FMN1: variants seen among roughly 807,000 people sequenced by gnomAD.
FMN1 encodes formin 1, also known as formin-1.
FMN1 carries 110 observed loss-of-function variants against 132.4 expected under a neutral mutation model. The ratio of observed to expected loss-of-function variants is 0.83; its 90% CI spans 0.71 to 0.97. FMN1 has a LOEUF of 0.97. FMN1 is among the 50% of genes least tolerant of loss of function. The pLI, the probability that FMN1 is intolerant of heterozygous loss-of-function variation, is 0.00. For synonymous variants in FMN1, 722 were observed against 651.7 expected (o/e 1.11, Z -1.64); for missense variants, 1,792 against 1,705.3 (o/e 1.05, Z -0.90).
chr15:33,009,458 C>T (rs985265135), intron 6 of FMN1, among the ~76,000 whole-genome samples: 2 of 152,134 alleles, frequency 1.3e-5, no homozygotes, highest in African/African-American at 4.8e-5. Flanking sequence ...CATATCTCTC[C>T]CTATCATTTC....
intron 6 of FMN1, among the ~76,000 whole-genome samples, chr15:33,061,298 T>A (rs2037470320): frequency 6.6e-6 from 1 of 152,062 alleles, no homozygotes; most frequent in African/African-American, 2.4e-5. Context: ...CATGCTCGAG[T>A]CACTAGAGGC....
At chr15:33,092,839 T>C (rs1210447786) in intron 4 of FMN1, among the ~76,000 whole-genome samples, 3 of 152,240 alleles carry the variant, frequency 2.0e-5, no homozygotes, top group Admixed American at 6.5e-5. Context: ...AACAGTGTTT[T>C]TGTTTTGTAA....
intron 4 of FMN1, among the ~76,000 whole-genome samples, chr15:33,089,251 A>G (rs537788993): frequency 6.6e-6 from 1 of 152,290 alleles, no homozygotes; most frequent in East Asian, 1.9e-4. Context: ...GGGTCATTCT[A>G]TCTCAGCATG....
In FMN1 at chr15:32,835,038, A is replaced by G. The variant is rs147202269; in HGVS notation, c.3928+21977T>C. Among the ~76,000 whole-genome samples, 526 of 152,326 alleles carry G rather than the reference A, an allele frequency of 3.5e-3. 2 individuals are homozygous for G. The highest frequency in any genetic ancestry group is 6.0e-3 in the Non-Finnish European group (409 of 68,036). ...GCATCACCTTTGTTAGAGTTTGTGA[A>G]TTTAAATTAGTTTGGGTTTGTTTGG... On this transcript the variant is annotated intron_variant, in intron 17 of 20. Coordinates refer to ENST00000616417, the MANE Select transcript of FMN1 (RefSeq NM_001277313.2).
At chr15:33,072,778 C>T (rs1019082211) in intron 5 of FMN1, among the ~76,000 whole-genome samples, 4 of 151,986 alleles carry the variant, frequency 2.6e-5, no homozygotes, top group Non-Finnish European at 5.9e-5. Context: ...TAAAAATTAG[C>T]CAGGCATGGT....
intron 4 of FMN1, among the ~76,000 whole-genome samples, chr15:33,118,803 AG>A (rs1962275619): frequency 6.6e-6 from 1 of 152,142 alleles, no homozygotes; most frequent in Non-Finnish European, 1.5e-5. Context: ...CTATCTTTAA[AG>A]AATGGTATAA....
intron 17 of FMN1, among the ~76,000 whole-genome samples, chr15:32,856,322 A>T (rs554225424): frequency 2.0e-5 from 3 of 152,344 alleles, no homozygotes; most frequent in East Asian, 1.9e-4. Flanking sequence ...TCTTAAGTTA[A>T]ATTTGAGAAA....
At chr15:32,940,197 C>G (rs1012302246) in intron 9 of FMN1, among the ~76,000 whole-genome samples, 4 of 152,090 alleles carry the variant, frequency 2.6e-5, no homozygotes, top group Non-Finnish European at 2.9e-5. Flanking sequence ...GACCTCTTGG[C>G]CAGCTGTGGA....
At chr15:32,828,127 T>C (rs1260387117) in intron 17 of FMN1, among the ~76,000 whole-genome samples, 2 of 151,844 alleles carry the variant, frequency 1.3e-5, no homozygotes, top group African/African-American at 2.4e-5. Flanking sequence ...ATACAAAAAT[T>C]AGCCGGCATG....
chr15:32,766,480 A>C lies in FMN1; in HGVS notation c.*7830T>G, dbSNP rs1033958743. The C allele has an allele frequency of 6.6e-6, 1 of 152,082 alleles. No homozygotes were observed. The highest frequency in any genetic ancestry group is 1.5e-5 in the Non-Finnish European group (1 of 68,018). The allele number at this position is 152,082 out of a possible 1,614,324, so 9.4% of individuals were successfully genotyped here. A position where few individuals can be genotyped will look rare whatever the true frequency, so the allele number is the denominator to read the frequency against. On this transcript the variant is annotated 3_prime_UTR_variant, in exon 21 of 21. Coordinates refer to ENST00000616417, the MANE Select transcript of FMN1 (RefSeq NM_001277313.2). ...ACAAATTTATCAAGAGAATGGCCTT[A>C]ATTAGTTTAAGGTAAAATCTATGAG...
At chr15:32,913,229 T>C (rs1202527590) in intron 10 of FMN1, among the ~76,000 whole-genome samples, 1 of 152,174 alleles carries the variant, frequency 6.6e-6, no homozygotes, top group Non-Finnish European at 1.5e-5. Context: ...TCAAGTGTCT[T>C]AAGGGAAATG....
intron 6 of FMN1, among the ~76,000 whole-genome samples, chr15:33,025,370 C>CT (rs1596497342): frequency 6.6e-6 from 1 of 152,066 alleles, no homozygotes; most frequent in Non-Finnish European, 1.5e-5. Context: ...CAACATGTAT[C>CT]TTTTTCAGGA....
intron 17 of FMN1, among the ~76,000 whole-genome samples, chr15:32,809,750 A>C (rs145820816): frequency 6.6e-6 from 1 of 152,086 alleles, no homozygotes; most frequent in East Asian, 1.9e-4. Context: ...TGGAGATCCA[A>C]ACACACTATC....
chr15:32,902,488 T>TA (rs5811717), intron 12 of FMN1, among the ~76,000 whole-genome samples: 3 of 151,848 alleles, frequency 2.0e-5, no homozygotes, highest in Non-Finnish European at 4.4e-5. Context: ...ACAAGTGATT[T>TA]AAAAAAAAAT....
chr15:32,970,687 A>G, intron 7 of FMN1: 1 of 152,412 alleles, frequency 6.6e-6, no homozygotes. Context: ...GGAAAGGTAT[A>G]CACACAGGAA....
chr15:32,868,976 C>T (rs1343542885), intron 16 of FMN1, among the ~76,000 whole-genome samples: 1 of 152,106 alleles, frequency 6.6e-6, no homozygotes, highest in Admixed American at 6.6e-5. Context: ...GCCTCTATTT[C>T]AGACTGGGCC....
chr15:32,943,290 A>T (rs1367941270), intron 9 of FMN1, among the ~76,000 whole-genome samples: 1 of 152,252 alleles, frequency 6.6e-6, no homozygotes, highest in Non-Finnish European at 1.5e-5. Flanking sequence ...TGGAGAATTC[A>T]CATAAATTAG....
rs1478605328 is a variant in FMN1 at position 32,854,784 on chromosome 15, G to GGC, written c.3928+2229_3928+2230dup. On this transcript the variant is annotated intron_variant, in intron 17 of 20. Transcript: ENST00000616417. ...AAAAAATTGGCCGGGTGTGGTGGTG[G>GGC]GCGCCTGTAATCCCAGCTACCTGGG... 5.3e-5 allele frequency among the ~76,000 whole-genome samples: 8 copies of GGC among 152,062 alleles called. No individual in the cohort carries two copies. The East Asian group carries it at 1.5e-3, about 29-fold the overall frequency.
chr15:33,058,882 C>T (rs890502412), intron 6 of FMN1, among the ~76,000 whole-genome samples: 36 of 152,264 alleles, frequency 2.4e-4, no homozygotes, highest in Admixed American at 7.8e-4. Context: ...ACCTTTCTTG[C>T]GTATCATTTG....
Sources: allele counts gnomAD v4.1 joint callset (sites outside exome capture counted in the v4.1 genomes callset), GRCh38; gene constraint gnomAD v4.1.1; transcripts MANE v1.5; gene names NCBI Gene and HGNC (gene_info 2026-07-23, HGNC 2026-07-21).